Variants in TBCB observed in about 807,000 individuals in gnomAD.
TBCB encodes the protein tubulin-folding cofactor B.
A neutral mutation model predicts 29.2 loss-of-function variants in TBCB; 18 were observed. The ratio of observed to expected loss-of-function variants is 0.62; its 90% CI spans 0.43 to 0.91. The LOEUF (loss-of-function observed/expected upper bound fraction) is 0.91, where lower values mean the gene tolerates loss of function less well. Among genes scored for constraint, TBCB ranks in the 40% least tolerant of loss-of-function variants. TBCB has a pLI of 0.00. For synonymous variants in TBCB, 172 were observed against 137.8 expected (o/e 1.25, Z -1.74); for missense variants, 336 against 337.6 (o/e 1.00, Z 0.04).
At chr19:36,116,460 T>C in intron 2 of TBCB, 1 of 381,262 alleles carries the variant, frequency 2.6e-6, no homozygotes, top group East Asian at 4.7e-5. Context: ...GGAAGGGATG[T>C]CTGAGCTGAG....
upstream of TBCB, chr19:36,115,356 G>C (rs1401086537): frequency 1.7e-6 from 1 of 580,982 alleles, no homozygotes; most frequent in Non-Finnish European, 3.0e-6. Context: ...TGGCTGGGCT[G>C]GCCCAAGAGT....
At position 36,115,668 on chromosome 19, in the gene TBCB, G is replaced by T. The variant is rs750433581; in HGVS notation, c.108G>T (p.Glu36Asp). The change falls in exon 1 of 6, where the codon GAG (glutamate) becomes GAT (aspartate). Residue 36 changes from glutamate to aspartate, a missense_variant. Physicochemically the swap from Glu to Asp is conservative, Grantham distance 45 (BLOSUM62 2). Coordinates refer to ENST00000221855, the MANE Select transcript of TBCB (RefSeq NM_001281.3). ...KRYSRSLTIA[E>D]FKCKLELLVG... ...ACAGCCGCAGCCTCACCATCGCTGA[G>T]TTCAAGGTGTGGCCATGGGGGCGGG... 7.1e-7 allele frequency: 1 copy of T among 1,417,350 alleles called. No individual in the cohort carries two copies. The highest frequency in any genetic ancestry group is 3.5e-5 in the East Asian group (1 of 28,694). 87.8% of individuals were successfully genotyped at this position (1,417,350 alleles called of 1,614,324 possible).
chr19:36,125,269 C>T (rs1475787896), intron 4 of TBCB, among the ~76,000 whole-genome samples, 182 bp from the exon 5 acceptor site: 4 of 152,188 alleles, frequency 2.6e-5, no homozygotes, highest in African/African-American at 9.6e-5. Flanking sequence ...AAGTGGCTAC[C>T]ATATTAGTCC....
chr19:36,124,247 C>T (rs1435207912), intron 4 of TBCB, among the ~76,000 whole-genome samples: 1 of 152,138 alleles, frequency 6.6e-6, no homozygotes, highest in African/African-American at 2.4e-5. Flanking sequence ...TTTTGACACA[C>T]AGTCTCACTC....
rs1387891308 is a variant in TBCB, at chr19:36,122,541, C to T, written c.547+823C>T. 4.2e-5 allele frequency among the ~76,000 whole-genome samples: 6 copies of T among 142,076 alleles called. No individual in the cohort carries two copies. The East Asian group carries it at 1.0e-3, about 24-fold the overall frequency. The allele number at this position is 142,076 out of a possible 152,430, so 93.2% of individuals were successfully genotyped here. ...CTTGAACCCAGGAATTTGAGACCAG[C>T]CTGGGCAACATAATGAGACCCTGTC... On this transcript the variant is annotated intron_variant, in intron 4 of 5. Coordinates refer to ENST00000221855, the MANE Select transcript of TBCB (RefSeq NM_001281.3).
In TBCB at chr19:36,116,178, C is replaced by T. The variant is rs1325103219; in HGVS notation, c.252C>T (p.Arg84=). ...CCTACCCTGTAGATGACGGCTGCCGCATCCACGTGAGGACTCTCTATCTGG... is the reference window on the plus strand; with the variant it reads ...CCTACCCTGTAGATGACGGCTGCCGTATCCACGTGAGGACTCTCTATCTGG... ...LGSYPVDDGC[R]IHVIDHSGAR... is the part of the protein sequence containing the mutation. The change falls in exon 2 of 6, where the codon CGC becomes CGT. Residue 84 remains arginine, a synonymous_variant. Transcript: ENST00000221855. The T allele has an allele frequency of 1.2e-6, 2 of 1,613,894 alleles. No individual in the cohort carries two copies. The highest frequency in any genetic ancestry group is 1.7e-6 in the Non-Finnish European group (2 of 1,179,930).
chr19:36,117,501 C>T (rs532523248), intron 2 of TBCB, among the ~76,000 whole-genome samples: 4 of 152,142 alleles, frequency 2.6e-5, no homozygotes, highest in East Asian at 1.9e-4. Flanking sequence ...TGCACCACCA[C>T]GCCTGGCTAA....
intron 3 of TBCB, 101 bp downstream of exon 3, chr19:36,120,907 G>A: frequency 1.3e-5 from 14 of 1,086,748 alleles, no homozygotes; most frequent in Non-Finnish European, 1.8e-5. Context: ...GGAGGCCAGT[G>A]GTGTAGACGG....
rs1165184247 is a variant in TBCB, at chr19:36,121,695, G to C, written c.524G>C (p.Arg175Pro). The C allele has an allele frequency of 6.4e-7, 1 of 1,553,714 alleles. No homozygotes were observed. Among genetic ancestry groups the C allele is most frequent in the Non-Finnish European group, 8.7e-7 (1 of 1,149,926 alleles). The change falls in exon 4 of 6, where the codon CGC (arginine) becomes CCC (proline). Residue 175 changes from arginine (R) to proline (P), a missense_variant. Arg to Pro is a moderately radical substitution (Grantham distance 103). Coordinates refer to ENST00000221855, the MANE Select transcript of TBCB (RefSeq NM_001281.3). Reference sequence around the variant, plus strand: ...GTGCGGGCGGCGGGACAATCCCCTCGCCGGGGCACCGTCATGTATGTAGGT... The same window carrying C: ...GTGCGGGCGGCGGGACAATCCCCTCCCCGGGGCACCGTCATGTATGTAGGT... ...CEVRAAGQSP[R>P]RGTVMYVGLT... is the part of the protein sequence containing the mutation.
At chr19:36,117,709 G>A (rs1358261400) in intron 2 of TBCB, 2 of 152,074 alleles carry the variant, frequency 1.3e-5, no homozygotes, top group Non-Finnish European at 2.9e-5. Context: ...CAAGGATAAT[G>A]TAATTATCCC....
At chr19:36,120,337 T>G (rs1974023624) in intron 2 of TBCB, 1 of 203,226 alleles carries the variant, frequency 4.9e-6, no homozygotes, top group Admixed American at 5.3e-5. Context: ...GGGCCTGAGG[T>G]TGGGGCCAGC....
Position 36,116,299 on chromosome 19 carries a change from G to A in TBCB, c.258+115G>A, listed in dbSNP as rs578031132. ...CCGAGATAGGTCCTGCCTTCGTGGA[G>A]CCTCCAGTGCAGCCTGACGAGAGAC... On this transcript the variant is annotated intron_variant, in intron 2 of 5. Coordinates refer to ENST00000221855, the MANE Select transcript of TBCB (RefSeq NM_001281.3). 1.4e-5 allele frequency: 19 copies of A among 1,371,722 alleles called. 1 individual carries two copies. In the South Asian group the frequency reaches 2.6e-4, roughly 18 times the overall value. 85.0% of individuals were successfully genotyped at this position (1,371,722 alleles called of 1,614,324 possible).
chr19:36,123,254 C>CTTTTTTTTTT (rs201890657), intron 4 of TBCB, among the ~76,000 whole-genome samples: 1 of 131,448 alleles, frequency 7.6e-6, no homozygotes, highest in Non-Finnish European at 1.6e-5. Flanking sequence ...GAACCTTCTT[C>CTTTTTTTTTT]TTTTTTTTTT....
chr19:36,115,843 G>A, intron 1 of TBCB, 169 bp downstream of exon 1: 1 of 1,053,798 alleles, frequency 9.5e-7, no homozygotes, highest in Non-Finnish European at 1.4e-6. Flanking sequence ...GAGAACTCGA[G>A]AGTGCAGAGA....
rs1973947750 is a variant in TBCB, at chr19:36,116,079, C to G, written c.153C>G (p.Cys51Trp). Residue 51 changes from cysteine (C) to tryptophan (W), a missense_variant, in exon 2 of 6, where the codon TGC (cysteine) becomes TGG (tryptophan). Transcript: ENST00000221855. Reference protein sequence around the residue: ...LELLVGSPASCMELELYGVDD... With the variant: ...LELLVGSPASWMELELYGVDD... ...TGCTGGTGGGCAGCCCTGCTTCCTG[C>G]ATGGAACTGGAGCTGTATGGAGTTG... The G allele has an allele frequency of 3.7e-6, 6 of 1,614,074 alleles. No individual in the cohort carries two copies. Among genetic ancestry groups the G allele is most frequent in the Admixed American group, 1.7e-5 (1 of 60,002 alleles).
chr19:36,121,466 G>C (rs1974047890), intron 3 of TBCB, 61 bp from the exon 4 acceptor site: 4 of 1,500,940 alleles, frequency 2.7e-6, no homozygotes, highest in Non-Finnish European at 3.5e-6. Context: ...CTCGTGGGTG[G>C]AGCGTCATCC....
At chr19:36,119,740 A>G (rs2145907686) in intron 2 of TBCB, among the ~76,000 whole-genome samples, 1 of 152,070 alleles carries the variant, frequency 6.6e-6, no homozygotes, top group Admixed American at 6.5e-5. Context: ...TAAAAATACA[A>G]AAATTAGCCG....
At chr19:36,124,433 C>T (rs1385061779) in intron 4 of TBCB, among the ~76,000 whole-genome samples, 3 of 152,062 alleles carry the variant, frequency 2.0e-5, no homozygotes, top group African/African-American at 7.2e-5. Flanking sequence ...GTTGGCCAGG[C>T]TGGTCTCAAA....
intron 4 of TBCB, among the ~76,000 whole-genome samples, chr19:36,124,660 C>T (rs1974108608): frequency 6.6e-6 from 1 of 152,222 alleles, no homozygotes; most frequent in South Asian, 2.1e-4. Flanking sequence ...TCTCCTGCCT[C>T]AGCCTCCCGA....
Sources: gnomAD v4.1 joint callset for allele counts (sites outside exome capture counted in the v4.1 genomes callset) on GRCh38, gnomAD v4.1.1 for gene constraint, MANE v1.5 for transcripts, NCBI Gene and HGNC (gene_info 2026-07-23, HGNC 2026-07-21) for gene names.